CCDC148: variants seen among roughly 807,000 people sequenced by gnomAD.
CCDC148 encodes coiled-coil domain-containing protein 148.
A neutral mutation model predicts 85.7 loss-of-function variants in CCDC148; 89 were observed. That is an observed-to-expected ratio of 1.04 (90% CI 0.87 to 1.24). The LOEUF is 1.24. Among genes scored for constraint, CCDC148 ranks in the 50% most tolerant of loss-of-function variants. The pLI, the probability that CCDC148 is intolerant of heterozygous loss-of-function variation, is 0.00. For synonymous variants in CCDC148, 230 were observed against 213.9 expected, an observed-to-expected ratio of 1.08 and a Z score of -0.66; for missense variants, 692 against 671.7, an observed-to-expected ratio of 1.03 and a Z score of -0.33.
chr2:158,360,327 G>A (rs558739475), intron 1 of CCDC148, among the ~76,000 whole-genome samples: 47 of 152,280 alleles, frequency 3.1e-4, no homozygotes, highest in African/African-American at 1.1e-3. Flanking sequence ...TCTGCTAGGG[G>A]TCAGACTGCC....
In CCDC148 at chr2:158,296,086, A is replaced by G. The variant is rs1361280905; in HGVS notation, c.1110+13347T>C. On this transcript the variant is annotated intron_variant, in intron 9 of 13. Coordinates refer to ENST00000283233, the MANE Select transcript of CCDC148 (RefSeq NM_138803.4). ...CTTTCAACAATTTTGAAGATGTCCA[A>G]TTGATCAATTATATATTTTAGGGAT... is the stretch of plus-strand genomic sequence containing the variant. Among the ~76,000 whole-genome samples the G allele has an allele frequency of 3.9e-5, 6 of 152,242 alleles. 1 individual carries two copies. The Middle Eastern group carries it at 0.01, about 259-fold the overall frequency.
rs959470133 is a variant in CCDC148, at chr2:158,336,939, C to T, written c.764+1787G>A. Among the ~76,000 whole-genome samples, 8 of 152,236 alleles carry T rather than the reference C, an allele frequency of 5.3e-5. No homozygotes were observed. The South Asian group carries it at 1.4e-3, about 28-fold the overall frequency. ...GTGAATTTTACATCCTCCATCAAGC[C>T]TTCCTAAGCTATTTTATCCTCAATA... is the stretch of plus-strand genomic sequence containing the variant. On this transcript the variant is annotated intron_variant, in intron 7 of 13. Transcript: ENST00000283233.
At chr2:158,452,397 G>C (rs565783936) in intron 1 of CCDC148, among the ~76,000 whole-genome samples, 1 of 152,174 alleles carries the variant, frequency 6.6e-6, no homozygotes, top group African/African-American at 2.4e-5. Context: ...GTAGTAGAGA[G>C]GCAGACAACT....
intron 2 of CCDC148, among the ~76,000 whole-genome samples, chr2:158,357,001 T>C (rs937378741): frequency 5.3e-5 from 8 of 149,930 alleles, no homozygotes; most frequent in African/African-American, 2.0e-4. Flanking sequence ...AAACACTGCA[T>C]ATTCTCACTC....
intron 1 of CCDC148, among the ~76,000 whole-genome samples, chr2:158,439,862 T>A (rs1168364171): frequency 2.6e-5 from 4 of 152,176 alleles, no homozygotes; most frequent in African/African-American, 9.6e-5. Context: ...ACATTTATTA[T>A]TATTACTTTA....
Position 158,247,925 on chromosome 2 carries a change from A to T in CCDC148, c.1251+2847T>A, listed in dbSNP as rs183596826. ...TATATTTATATTTTTATTTTACTTT[A>T]AGTTCTGGGATACACGTGCAGAACA... On this transcript the variant is annotated intron_variant, in intron 10 of 13. Transcript: ENST00000283233. Among the ~76,000 whole-genome samples, 216 of 152,142 alleles carry T rather than the reference A, an allele frequency of 1.4e-3. 1 individual carries two copies. Among genetic ancestry groups the T allele is most frequent in the African/African-American group, 5.0e-3 (207 of 41,524 alleles).
intron 3 of CCDC148, among the ~76,000 whole-genome samples, chr2:158,343,744 T>C (rs1682857020): frequency 6.6e-6 from 1 of 152,230 alleles, no homozygotes; most frequent in African/African-American, 2.4e-5. Flanking sequence ...TAGTCATTTC[T>C]CTAACTTATC....
rs115645450 is a variant in CCDC148 at position 158,194,635 on chromosome 2, T to C, written c.1371-15639A>G. On this transcript the variant is annotated intron_variant, in intron 11 of 13. Transcript: ENST00000283233. ...AGGTGATATTTTTGCTCTCTAAAGT[T>C]TGGAAACCACTACCTTCCTGGGAAT... is the stretch of plus-strand genomic sequence containing the variant. Among the ~76,000 whole-genome samples, 1,114 of 152,212 alleles carry C rather than the reference T, an allele frequency of 7.3e-3. 14 individuals are homozygous for C. Among genetic ancestry groups the C allele is most frequent in the African/African-American group, 0.025 (1,049 of 41,532 alleles).
At chr2:158,249,005 C>T (rs556079049) in intron 10 of CCDC148, among the ~76,000 whole-genome samples, 65 of 152,116 alleles carry the variant, frequency 4.3e-4, no homozygotes, top group Non-Finnish European at 8.5e-4. Flanking sequence ...AAATGCCTTT[C>T]TCTCACTTCC....
In CCDC148 at chr2:158,453,732, G is replaced by A. The variant is rs530953987; in HGVS notation, c.25+2683C>T. On this transcript the variant is annotated intron_variant, in intron 1 of 13. Transcript: ENST00000283233. ...ATATGAAAAAAATAAACATTGGAAA[G>A]TTACAAAGTTTTCGTAATCTTAAAA... Among the ~76,000 whole-genome samples, 22 of 152,268 alleles carry A rather than the reference G, an allele frequency of 1.4e-4. No homozygotes were observed. In the South Asian group the frequency reaches 3.5e-3, roughly 24 times the overall value.
intron 9 of CCDC148, among the ~76,000 whole-genome samples, chr2:158,263,287 G>GT (rs1689311388): frequency 6.6e-6 from 1 of 152,030 alleles, no homozygotes; most frequent in Non-Finnish European, 1.5e-5. Context: ...TCTGCAGTGC[G>GT]TAGAGGGCAC....
intron 1 of CCDC148, among the ~76,000 whole-genome samples, chr2:158,383,512 A>G (rs977590522): frequency 6.6e-6 from 1 of 152,130 alleles, no homozygotes; most frequent in Non-Finnish European, 1.5e-5. Context: ...GAATAGAATT[A>G]TTTTTATTGT....
At chr2:158,190,092 T>C (rs1685349680) in intron 11 of CCDC148, among the ~76,000 whole-genome samples, 1 of 151,964 alleles carries the variant, frequency 6.6e-6, no homozygotes, top group Admixed American at 6.6e-5. Flanking sequence ...GTAAGATATT[T>C]AATCATTTGA....
chr2:158,397,847 A>G (rs1685596927), intron 1 of CCDC148, among the ~76,000 whole-genome samples: 1 of 152,140 alleles, frequency 6.6e-6, no homozygotes. Flanking sequence ...AATTGGATAA[A>G]GAGTCAAGAC....
chr2:158,313,246 GTATTTGTGTTTCAGATCCAAC>G (rs1222415875), intron 8 of CCDC148, among the ~76,000 whole-genome samples: 1 of 152,204 alleles, frequency 6.6e-6, no homozygotes, highest in East Asian at 1.9e-4. Flanking sequence ...TGTATTTGGG[GTATTTGTGTTTCAGATCCAAC>G]TAGGAGGATC....
intron 9 of CCDC148, among the ~76,000 whole-genome samples, chr2:158,308,023 C>G (rs773216173): frequency 6.6e-6 from 1 of 152,156 alleles, no homozygotes; most frequent in Non-Finnish European, 1.5e-5. Context: ...GTTACTTTAT[C>G]AAGACACTTG....
At chr2:158,293,963 TCCCTCCCTCCCCCCCCC>T (rs1559049604) in intron 9 of CCDC148, among the ~76,000 whole-genome samples, 13 of 23,182 alleles carry the variant, frequency 5.6e-4, no homozygotes, top group East Asian at 5.8e-3. Flanking sequence ...TCTCCCTCCC[TCCCTCCCTCCCCCCCCC>T]CCTCCCTCCC....
At chr2:158,192,706 C>T (rs1371334724) in intron 11 of CCDC148, among the ~76,000 whole-genome samples, 1 of 151,860 alleles carries the variant, frequency 6.6e-6, no homozygotes, top group Admixed American at 6.6e-5. Context: ...ACAGACCTGG[C>T]TCTCTCATGG....
At chr2:158,264,154 A>G (rs1689353742) in intron 9 of CCDC148, among the ~76,000 whole-genome samples, 2 of 151,990 alleles carry the variant, frequency 1.3e-5, no homozygotes, top group Non-Finnish European at 2.9e-5. Flanking sequence ...AAGTGATTAC[A>G]GAGTATGATA....
Sources: allele counts gnomAD v4.1 joint callset (sites outside exome capture counted in the v4.1 genomes callset), GRCh38; gene constraint gnomAD v4.1.1; transcripts MANE v1.5; gene names NCBI Gene and HGNC (gene_info 2026-07-23, HGNC 2026-07-21).